Variants in ADISSP observed in about 807,000 individuals in gnomAD.
ADISSP encodes the protein adipose secreted signaling protein, also known as adipose-secreted signaling protein.
chr20:3,757,026 A>AAAATAAATAAATAAATAAATAAAT, the ADISSP span, among the ~76,000 whole-genome samples: 658 of 151,012 alleles, frequency 4.4e-3, 5 homozygotes, highest in African/African-American at 9.1e-3. Flanking sequence ...TGTTTTCAGA[A>AAAATAAATAAATAAATAAATAAAT]AAATAAATAA....
At chr20:3,759,931 T>A in the ADISSP span, 1 of 1,320,142 alleles carries the variant, frequency 7.6e-7, no homozygotes, top group South Asian at 1.2e-5. The surrounding 1 kb of genome is among the most constrained non-coding windows in gnomAD (Gnocchi z 4.6). Context: ...ACTGACATAG[T>A]CCCAATCACA....
the ADISSP span, among the ~76,000 whole-genome samples, chr20:3,761,533 A>C: frequency 6.6e-6 from 1 of 152,088 alleles, no homozygotes; most frequent in Non-Finnish European, 1.5e-5. Context: ...ACAGGGTTTC[A>C]CCATGTTGGC....
the ADISSP span, among the ~76,000 whole-genome samples, chr20:3,766,451 G>T: frequency 1.3e-5 from 2 of 152,106 alleles, no homozygotes; most frequent in African/African-American, 4.8e-5. Flanking sequence ...AGGTGCTGGG[G>T]GTGGGGGTGG....
chr20:3,765,936 C>A, the ADISSP span, among the ~76,000 whole-genome samples: 2 of 152,202 alleles, frequency 1.3e-5, no homozygotes, highest in East Asian at 3.8e-4. Flanking sequence ...TGTCAGCAAG[C>A]TTCCAGGCCC....
the ADISSP span, among the ~76,000 whole-genome samples, chr20:3,760,482 C>G: frequency 4.6e-5 from 7 of 152,320 alleles, no homozygotes; most frequent in Non-Finnish European, 8.8e-5. Flanking sequence ...CCCCAGCACC[C>G]CCAGAGACTG....
At chr20:3,763,511 T>TG in the ADISSP span, among the ~76,000 whole-genome samples, 1 of 143,696 alleles carries the variant, frequency 7.0e-6, no homozygotes, top group African/African-American at 2.6e-5. Flanking sequence ...GAGCCGAGAT[T>TG]GCGCCACTGC....
At chr20:3,754,297 G>C in the ADISSP span, 13 of 1,508,170 alleles carry the variant, frequency 8.6e-6, no homozygotes, top group Non-Finnish European at 1.2e-5. Context: ...CCTGAGCCGG[G>C]CAAGGATCCC....
At chr20:3,767,767 G>C in the ADISSP span, 1 of 151,902 alleles carries the variant, frequency 6.6e-6, no homozygotes, top group Non-Finnish European at 1.5e-5. Context: ...CCCGCGCCGC[G>C]GCCGCCCTCC....
the ADISSP span, chr20:3,754,069 C>T: frequency 6.2e-5 from 100 of 1,612,592 alleles, no homozygotes; most frequent in African/African-American, 2.0e-4. Context: ...CAGTCAAAGC[C>T]GTGCCAGTCG....
chr20:3,757,879 C>T, the ADISSP span, among the ~76,000 whole-genome samples: 2 of 152,086 alleles, frequency 1.3e-5, no homozygotes, highest in African/African-American at 4.8e-5. Flanking sequence ...GCAGACCCCC[C>T]ACTCAGGGCC....
chr20:3,755,515 G>A, the ADISSP span: 1 of 1,613,014 alleles, frequency 6.2e-7, no homozygotes, highest in East Asian at 2.2e-5. Flanking sequence ...GCAGGCTGGG[G>A]ACAGGTGCCT....
the ADISSP span, chr20:3,754,295 G>C: frequency 2.7e-6 from 4 of 1,504,522 alleles, no homozygotes; most frequent in Non-Finnish European, 3.7e-6. Context: ...CCCCTGAGCC[G>C]GGCAAGGATC....
chr20:3,758,833 C>G, the ADISSP span, among the ~76,000 whole-genome samples: 15 of 152,308 alleles, frequency 9.8e-5, no homozygotes, highest in African/African-American at 3.4e-4. This position sits in a 1 kb window ranked among gnomAD's most constrained non-coding sequence, Gnocchi z 5.5. Flanking sequence ...GATCATGAGG[C>G]TTGAGGCCTC....
chr20:3,763,818 A>C, the ADISSP span, among the ~76,000 whole-genome samples: 6 of 152,166 alleles, frequency 3.9e-5, no homozygotes, highest in Non-Finnish European at 7.4e-5. Context: ...CTCTGGTGCC[A>C]AGCTGCTCTG....
the ADISSP span, chr20:3,760,219 A>T: frequency 1.3e-6 from 1 of 792,318 alleles, no homozygotes; most frequent in Non-Finnish European, 2.1e-6. Flanking sequence ...GGCAGGGGTC[A>T]GGGCCACTCA....
the ADISSP span, chr20:3,768,315 C>T: frequency 0.52 from 78,466 of 152,354 alleles, 20,421 homozygotes; most frequent in East Asian, 0.77. Context: ...TCCCCTGTCT[C>T]GAAAGAAGCA....
At chr20:3,754,392 C>T in the ADISSP span, 1 of 1,611,294 alleles carries the variant, frequency 6.2e-7, no homozygotes, top group South Asian at 1.1e-5. Context: ...GCCTCACGCT[C>T]TCACCCATGA....
At chr20:3,764,126 C>T in the ADISSP span, among the ~76,000 whole-genome samples, 6 of 152,296 alleles carry the variant, frequency 3.9e-5, no homozygotes, top group South Asian at 1.0e-3. Flanking sequence ...AGCAGCCTGC[C>T]GTAACCGCCC....
the ADISSP span, among the ~76,000 whole-genome samples, chr20:3,759,596 G>A: frequency 1.6e-4 from 24 of 152,138 alleles, no homozygotes; most frequent in Admixed American, 1.3e-3. This position sits in a 1 kb window ranked among gnomAD's most constrained non-coding sequence, Gnocchi z 4.6. Flanking sequence ...TTGGATACTC[G>A]GAGGCCCAGG....
Sources: allele counts gnomAD v4.1 joint callset (sites outside exome capture counted in the v4.1 genomes callset), GRCh38; gene constraint gnomAD v4.1.1; non-coding constraint Gnocchi (gnomAD v3.1); transcripts MANE v1.5; gene names NCBI Gene and HGNC (gene_info 2026-07-23, HGNC 2026-07-21).